MRC2: variants seen among roughly 807,000 people sequenced by gnomAD.
MRC2 encodes the protein mannose receptor C-type 2.
Under a neutral mutation model 206.2 loss-of-function variants are expected in MRC2, and 84 were observed. That is an observed-to-expected ratio of 0.41 (90% CI 0.34 to 0.49). MRC2 has a LOEUF of 0.49. Among genes scored for constraint, MRC2 ranks in the 20% least tolerant of loss-of-function variants. The pLI is 0.31. For synonymous variants in MRC2, 798 were observed against 800.0 expected (o/e 1.00, Z 0.04); for missense variants, 1,676 against 2,001.5 (o/e 0.84, Z 3.10).
rs984975296 is a variant in MRC2 at position 62,628,036 on chromosome 17, C to CGTGTGTGT, written c.118+120_118+127dup. ...CCTCTTTTCTCCAGAAGCGTGTGTG[C>CGTGTGTGT]GTGTGTGTGTGACTGGGTTTTTAAA... On this transcript the variant is annotated intron_variant, in intron 1 of 29. Transcript: ENST00000303375. 3.1e-5 allele frequency: 20 copies of CGTGTGTGT among 641,246 alleles called. No homozygotes were observed. In the Middle Eastern group the frequency reaches 1.6e-3, roughly 52 times the overall value. 39.7% of individuals were successfully genotyped at this position (641,246 alleles called of 1,614,324 possible). A position where few individuals can be genotyped will look rare whatever the true frequency, so the allele number is the denominator to read the frequency against.
In MRC2 at chr17:62,671,850, C is replaced by G; in HGVS notation, c.1306+13C>G. On this transcript the variant is annotated intron_variant, in intron 7 of 29. Coordinates refer to ENST00000303375, the MANE Select transcript of MRC2 (RefSeq NM_006039.5). This position sits in a 1 kb window ranked among gnomAD's most constrained non-coding sequence, Gnocchi z 4.5. ...CAGATCAAGCAAGGTGAGGAGCTGCCCGCCCACGTGTCTGGGTGGAGGGCA... is the reference window on the plus strand; with the variant it reads ...CAGATCAAGCAAGGTGAGGAGCTGCGCGCCCACGTGTCTGGGTGGAGGGCA... 6.3e-7 allele frequency: 1 copy of G among 1,587,882 alleles called. No homozygotes were observed.
At chr17:62,683,495 C>CAACAAAAAA (rs1170595739) in intron 20 of MRC2, among the ~76,000 whole-genome samples, 64 of 134,672 alleles carry the variant, frequency 4.8e-4, no homozygotes, top group African/African-American at 1.6e-3. Flanking sequence ...AAAAAAAAAA[C>CAACAAAAAA]AACAAAAAAA....
At chr17:62,673,003 A>AT (rs1195961979) in intron 8 of MRC2, among the ~76,000 whole-genome samples, 1 of 147,156 alleles carries the variant, frequency 6.8e-6, no homozygotes, top group African/African-American at 2.6e-5. Context: ...AAAAAAAAAA[A>AT]ATAAAATAAA....
At chr17:62,660,057 A>G (rs1391342222) in intron 1 of MRC2, among the ~76,000 whole-genome samples, 1 of 152,234 alleles carries the variant, frequency 6.6e-6, no homozygotes, top group East Asian at 1.9e-4. Context: ...AGCTTGTGTC[A>G]GTCTAACTCT....
In MRC2 at chr17:62,679,907, G is replaced by A. The variant is rs1309615242; in HGVS notation, c.2298+5G>A. 4 of 1,610,464 alleles carry A rather than the reference G, an allele frequency of 2.5e-6. No homozygotes were observed. ...CGCTGGAGCGACGGCGTAGGGGTGA[G>A]GGGGCCTGGGGTACTTGGGACTGCG... On this transcript the variant is annotated splice_donor_5th_base_variant and intron_variant, in intron 14 of 29. Transcript: ENST00000303375.
chr17:62,645,525 A>ATTTT (rs1181105850), intron 1 of MRC2, among the ~76,000 whole-genome samples: 49 of 38,572 alleles, frequency 1.3e-3, no homozygotes, highest in Admixed American at 2.2e-3. Flanking sequence ...ATATATATAT[A>ATTTT]TATTTTTTTT....
intron 1 of MRC2, among the ~76,000 whole-genome samples, chr17:62,632,658 C>A (rs2088259007): frequency 6.6e-6 from 1 of 152,122 alleles, no homozygotes. Context: ...CTTCGAGACT[C>A]AAGGATCCTG....
chr17:62,652,779 C>T lies in MRC2; in HGVS notation c.119-11769C>T, dbSNP rs1432131900. Reference sequence around the variant, plus strand: ...AAGTGGCGCCGCTTGGGGGGGTGCACGATGGCAGGGGGAGGGGTGCTCGGT... The same window carrying T: ...AAGTGGCGCCGCTTGGGGGGGTGCATGATGGCAGGGGGAGGGGTGCTCGGT... On this transcript the variant is annotated intron_variant, in intron 1 of 29. Transcript: ENST00000303375. The surrounding 1 kb of genome is among the most constrained non-coding windows in gnomAD (Gnocchi z 4.6). Among the ~76,000 whole-genome samples the T allele has an allele frequency of 4.0e-5, 3 of 74,610 alleles. No homozygotes were observed. In the East Asian group the frequency reaches 1.2e-3, roughly 30 times the overall value. The allele number at this position is 74,610 out of a possible 152,430, so 48.9% of individuals were successfully genotyped here.
At chr17:62,689,450 C>G in intron 23 of MRC2, 72 bp from the exon 24 acceptor site, 1 of 1,081,644 alleles carries the variant, frequency 9.2e-7, no homozygotes. Flanking sequence ...GTGCGGCCTT[C>G]TCCTGGCCTT....
chr17:62,666,765 A>G lies in MRC2; in HGVS notation c.868A>G (p.Thr290Ala). 6.2e-7 allele frequency: 1 copy of G among 1,613,604 alleles called. No individual in the cohort carries two copies. Among genetic ancestry groups the G allele is most frequent in the South Asian group, 1.1e-5 (1 of 91,056 alleles). The part of the protein sequence containing the change: ...HEQTYINGLL[T>A]GYSSTLWIGL... ...TCCCTCCTTGCTGTCAGGCCTCCTC[A>G]CTGGGTACAGCTCCACCCTGTGGAT... Residue 290 changes from threonine (T) to alanine (A), a missense_variant, in exon 5 of 30, where the codon ACT becomes GCT. By Grantham distance (58) the Thr-to-Ala change is moderately conservative. Around this residue, in one of 3 missense-constraint regions of MRC2, gnomAD observed 1,354 missense variants for 1,636.6 expected, o/e 0.83. Coordinates refer to ENST00000303375, the MANE Select transcript of MRC2 (RefSeq NM_006039.5). The surrounding 1 kb of genome is among the most constrained non-coding windows in gnomAD (Gnocchi z 5.0).
chr17:62,632,884 G>A (rs566373602), intron 1 of MRC2, among the ~76,000 whole-genome samples: 2 of 152,304 alleles, frequency 1.3e-5, no homozygotes, highest in South Asian at 4.1e-4. Flanking sequence ...AGGCAGCCGG[G>A]TGCGAGGCTG....
At chr17:62,641,511 G>A (rs1598968300) in intron 1 of MRC2, among the ~76,000 whole-genome samples, 1 of 152,014 alleles carries the variant, frequency 6.6e-6, no homozygotes, top group East Asian at 1.9e-4. Context: ...AGGGGATTCT[G>A]GTATTACCCC....
chr17:62,635,835 T>C (rs1292501802), intron 1 of MRC2, among the ~76,000 whole-genome samples: 1 of 151,752 alleles, frequency 6.6e-6, no homozygotes, highest in Non-Finnish European at 1.5e-5. Flanking sequence ...TTGCCCAGGC[T>C]GGAGTGCAGT....
intron 20 of MRC2, among the ~76,000 whole-genome samples, chr17:62,684,624 T>C (rs891440872): frequency 2.0e-5 from 3 of 151,920 alleles, no homozygotes; most frequent in Non-Finnish European, 4.4e-5. Context: ...AACGAGTTCA[T>C]ACCAGGAAGA....
In MRC2 at chr17:62,675,586, C is replaced by G. The variant is rs1202017119; in HGVS notation, c.1570-204C>G. Among the ~76,000 whole-genome samples the G allele has an allele frequency of 1.3e-5, 2 of 152,164 alleles. No homozygotes were observed. Among genetic ancestry groups the G allele is most frequent in the African/African-American group, 4.8e-5 (2 of 41,408 alleles). ...GCCACGCTGGGGCTGGGCCTCCACC[C>G]CAGCTTCCACAGCTGTGGGTGATGG... On this transcript the variant is annotated intron_variant, in intron 9 of 29. Transcript: ENST00000303375. The surrounding 1 kb of genome is among the most constrained non-coding windows in gnomAD (Gnocchi z 4.1).
chr17:62,628,284 C>T (rs141332316), intron 1 of MRC2, among the ~76,000 whole-genome samples: 5,174 of 152,164 alleles, frequency 0.034, 137 homozygotes, highest in Non-Finnish European at 0.053. Context: ...ACCTGCAGGG[C>T]GCGCCCGGGG....
At chr17:62,655,043 T>C (rs778595851) in intron 1 of MRC2, among the ~76,000 whole-genome samples, 1 of 152,160 alleles carries the variant, frequency 6.6e-6, no homozygotes, top group Non-Finnish European at 1.5e-5. Context: ...CCCAGCACTT[T>C]GGGAGGCCGA....
intron 1 of MRC2, among the ~76,000 whole-genome samples, chr17:62,643,327 C>CAAAAAAAAAAAAAAAAAAAAAAAAAA (rs59698063): frequency 2.3e-5 from 1 of 44,162 alleles, no homozygotes; most frequent in African/African-American, 5.8e-5. Context: ...GAAACTCCGT[C>CAAAAAAAAAAAAAAAAAAAAAAAAAA]AAAAAAAAAA....
chr17:62,689,727 C>T lies in MRC2; in HGVS notation c.3540C>T (p.Arg1180=), dbSNP rs745456569. The T allele has an allele frequency of 3.8e-6, 6 of 1,562,230 alleles. No homozygotes were observed. The highest frequency in any genetic ancestry group is 5.2e-6 in the Non-Finnish European group (6 of 1,155,244). Residue 1180 remains arginine (R), a synonymous_variant, in exon 24 of 30, where the codon CGC becomes CGT. Transcript: ENST00000303375. ...AFLTQAARGL[R]TPLWIGLAGE... Reference sequence around the variant, plus strand: ...TCACGCAGGCTGCCCGAGGGCTGCGCACGCCGCTCTGGATTGGGCTGGCTG... The same window carrying T: ...TCACGCAGGCTGCCCGAGGGCTGCGTACGCCGCTCTGGATTGGGCTGGCTG...
Sources: gnomAD v4.1 joint callset for allele counts (sites outside exome capture counted in the v4.1 genomes callset) on GRCh38, gnomAD v4.1.1 for gene constraint, gnomAD v4.1.1 regional missense constraint, Gnocchi (gnomAD v3.1) non-coding constraint, MANE v1.5 for transcripts, NCBI Gene and HGNC (gene_info 2026-07-23, HGNC 2026-07-21) for gene names.